The following SWI5 variants were observed in gnomAD, a reference collection of about 807,000 sequenced individuals.
SWI5 encodes SWI5 homologous recombination repair protein.
In SWI5, 12 loss-of-function variants were observed where a neutral mutation model predicts 17.0. The ratio of observed to expected loss-of-function variants is 0.71; its 90% confidence interval spans 0.45 to 1.14. SWI5 has a LOEUF of 1.14. SWI5 is among the 50% of genes most tolerant of loss of function. SWI5 has a pLI of 0.00. For synonymous variants in SWI5, 61 were observed against 64.0 expected, an observed-to-expected ratio of 0.95 and a Z score of 0.22; for missense variants, 158 against 162.2, an observed-to-expected ratio of 0.97 and a Z score of 0.14.
chr9:128,284,211 C>G (rs1831592286), intron 2 of SWI5, among the ~76,000 whole-genome samples: 1 of 150,234 alleles, frequency 6.7e-6, no homozygotes, highest in Admixed American at 6.7e-5. Context: ...ATCACTTGAA[C>G]CTGGGAGGCG....
At chr9:128,284,546 A>G in exon 3 of SWI5, 3 of 1,613,988 alleles carry the variant, frequency 1.9e-6, no homozygotes, top group Non-Finnish European at 2.5e-6. Flanking sequence ...TGATGGGACC[A>G]GCGAGGAGTC....
chr9:128,288,689 A>G, exon 5 of SWI5: 2 of 1,614,198 alleles, frequency 1.2e-6, no homozygotes, highest in Non-Finnish European at 1.7e-6. Flanking sequence ...AGTTGTATCC[A>G]GAGTTTGGGC....
chr9:128,276,961 G>A (rs573648067), intron 2 of SWI5, among the ~76,000 whole-genome samples: 3 of 151,890 alleles, frequency 2.0e-5, no homozygotes, highest in Admixed American at 2.0e-4. Flanking sequence ...GTGTTATCCT[G>A]TCCTGTCCTA....
chr9:128,279,704 G>T (rs1338142637), intron 2 of SWI5, among the ~76,000 whole-genome samples: 1 of 152,206 alleles, frequency 6.6e-6, no homozygotes, highest in East Asian at 1.9e-4. Context: ...ACAGGGAGGG[G>T]TTTAGGCCTC....
At chr9:128,280,505 C>CTT (rs373128791) in intron 2 of SWI5, among the ~76,000 whole-genome samples, 8 of 108,210 alleles carry the variant, frequency 7.4e-5, no homozygotes, top group East Asian at 2.7e-4. Flanking sequence ...TGCATCTGTT[C>CTT]TTTTTAAAAA....
At chr9:128,288,053 T>G (rs1831675431) in intron 4 of SWI5, among the ~76,000 whole-genome samples, 3 of 151,764 alleles carry the variant, frequency 2.0e-5, no homozygotes, top group African/African-American at 2.4e-5. Flanking sequence ...ATGTGTTAGG[T>G]GCTATGAAGG....
intron 2 of SWI5, 53 bp downstream of exon 2, chr9:128,276,808 C>T: frequency 6.5e-7 from 1 of 1,535,054 alleles, no homozygotes; most frequent in Non-Finnish European, 8.9e-7. Flanking sequence ...TTCCCTTGTG[C>T]GCTCCCGGCC....
upstream of SWI5, chr9:128,275,587 C>A: frequency 1.9e-6 from 2 of 1,031,062 alleles, no homozygotes; most frequent in Non-Finnish European, 2.6e-6. Context: ...GGTCCTAGGT[C>A]CTTGGAGACG....
At chr9:128,275,887 C>G, upstream of SWI5, 4 of 1,533,492 alleles carry the variant, frequency 2.6e-6, no homozygotes, top group Non-Finnish European at 3.5e-6. Context: ...ACCCGGTGCA[C>G]TTTACCTTTT....
chr9:128,276,721 T>A (rs1230461730), exon 2 of SWI5: 1 of 1,612,880 alleles, frequency 6.2e-7, no homozygotes, highest in African/African-American at 1.3e-5. Flanking sequence ...GAACCAAGAC[T>A]TACCCGAAGT....
At chr9:128,286,332 A>T (rs1291540750) in intron 4 of SWI5, 1 of 341,872 alleles carries the variant, frequency 2.9e-6, no homozygotes, top group Non-Finnish European at 5.5e-6. Context: ...ACTCAGAGTG[A>T]TCAAGATACC....
rs1283304656 is a variant in SWI5, at chr9:128,276,363, A to AC, written c.28dup (p.Leu10ProfsTer14). ...GCGCTGGACCCTCTTGCGCCATTGA[A>AC]CCCCCTGATCCGGGGGCCTCGGACC... On this transcript the variant is annotated frameshift_variant, in exon 1 of 5. Coordinates refer to ENST00000418976, the Ensembl canonical transcript of SWI5. LOFTEE classifies it high-confidence loss of function. The AC allele has an allele frequency of 6.2e-7, 1 of 1,612,610 alleles. No individual in the cohort carries two copies. The highest frequency in any genetic ancestry group is 1.7e-5 in the Admixed American group (1 of 59,922).
At chr9:128,287,557 C>CTTTTTT (rs754816266) in intron 4 of SWI5, among the ~76,000 whole-genome samples, 3 of 123,036 alleles carry the variant, frequency 2.4e-5, no homozygotes, top group African/African-American at 6.8e-5. Context: ...TGGCCTATCC[C>CTTTTTT]TTTTTTTTTT....
intron 2 of SWI5, among the ~76,000 whole-genome samples, chr9:128,283,573 T>C (rs1588505852): frequency 6.6e-6 from 1 of 152,210 alleles, no homozygotes; most frequent in East Asian, 1.9e-4. Context: ...GAGCAGATTC[T>C]CTGGGGTCAG....
chr9:128,288,345 G>T (rs751339552), intron 4 of SWI5, among the ~76,000 whole-genome samples: 1 of 152,226 alleles, frequency 6.6e-6, no homozygotes, highest in Non-Finnish European at 1.5e-5. Context: ...TGGAATCGAG[G>T]AAGCTCTGTT....
intron 4 of SWI5, among the ~76,000 whole-genome samples, chr9:128,287,910 A>G (rs1831673205): frequency 6.6e-6 from 1 of 152,110 alleles, no homozygotes; most frequent in Non-Finnish European, 1.5e-5. Context: ...CTCTGTGCCC[A>G]GCACTCTACA....
chr9:128,276,184 C>A (rs987669026), upstream of SWI5: 1 of 1,590,936 alleles, frequency 6.3e-7, no homozygotes, highest in African/African-American at 1.4e-5. Context: ...GGCGTCACAA[C>A]AAAAGCTGCG....
chr9:128,288,481 G>A (rs1376861095), intron 4 of SWI5, among the ~76,000 whole-genome samples, 171 bp from the exon 5 acceptor site: 1 of 152,194 alleles, frequency 6.6e-6, no homozygotes, highest in Admixed American at 6.5e-5. Flanking sequence ...AGCCTGGAAG[G>A]AGTAGCAGGG....
intron 2 of SWI5, among the ~76,000 whole-genome samples, chr9:128,280,549 A>C (rs1041943008): frequency 2.5e-4 from 37 of 146,632 alleles, no homozygotes; most frequent in Admixed American, 1.4e-4. Context: ...TCGCTCTGCC[A>C]CCCAGGCTGG....
Sources: allele counts gnomAD v4.1 joint callset (sites outside exome capture counted in the v4.1 genomes callset), GRCh38; gene constraint gnomAD v4.1.1; transcripts MANE v1.5; gene names NCBI Gene and HGNC (gene_info 2026-07-23, HGNC 2026-07-21).